CNTNAP2: variants seen among roughly 807,000 people sequenced by gnomAD.
The protein encoded by CNTNAP2 is contactin associated protein 2, also known as contactin-associated protein-like 2.
In CNTNAP2, 98 loss-of-function variants were observed where a neutral mutation model predicts 155.2. That is an observed-to-expected ratio of 0.63 (90% CI 0.54 to 0.75). The LOEUF is 0.75. CNTNAP2 is among the 30% of genes least tolerant of loss of function. The pLI is 0.00. For synonymous variants in CNTNAP2, 651 were observed against 631.2 expected (o/e 1.03, Z -0.47); for missense variants, 1,727 against 1,688.1 (o/e 1.02, Z -0.40).
At chr7:146,459,930 A>G (rs1320186877) in intron 1 of CNTNAP2, among the ~76,000 whole-genome samples, 1 of 152,168 alleles carries the variant, frequency 6.6e-6, no homozygotes, top group Non-Finnish European at 1.5e-5. Context: ...AGTTCAGGCC[A>G]TTGCACTCCA....
intron 13 of CNTNAP2, among the ~76,000 whole-genome samples, chr7:147,789,674 G>A (rs1332767490): frequency 6.6e-6 from 1 of 152,200 alleles, no homozygotes; most frequent in Non-Finnish European, 1.5e-5. Flanking sequence ...GTCTCCCAGT[G>A]TGTGGGCACC....
intron 12 of CNTNAP2, among the ~76,000 whole-genome samples, chr7:147,567,826 C>T (rs1800203080): frequency 6.6e-6 from 1 of 152,200 alleles, no homozygotes; most frequent in African/African-American, 2.4e-5. Flanking sequence ...CGGCTCATGC[C>T]TGTAATCCCA....
At chr7:147,073,165 A>G (rs1287668725) in intron 4 of CNTNAP2, among the ~76,000 whole-genome samples, 7 of 148,898 alleles carry the variant, frequency 4.7e-5, no homozygotes, top group Admixed American at 3.3e-4. Flanking sequence ...TCAGGACTAC[A>G]TATGCAGGTT....
intron 15 of CNTNAP2, among the ~76,000 whole-genome samples, chr7:148,046,030 C>A (rs546897655): frequency 2.6e-5 from 4 of 152,108 alleles, no homozygotes; most frequent in African/African-American, 4.8e-5. Flanking sequence ...CTGGGCAAGA[C>A]CTTTTTCTCC....
intron 1 of CNTNAP2, among the ~76,000 whole-genome samples, chr7:146,469,908 C>T (rs561913590): frequency 2.7e-5 from 4 of 148,762 alleles, no homozygotes; most frequent in Non-Finnish European, 5.9e-5. Flanking sequence ...GGAGCAATCT[C>T]GGCTCACTGC....
At chr7:147,140,301 C>G (rs1311357574) in intron 8 of CNTNAP2, among the ~76,000 whole-genome samples, 1 of 151,912 alleles carries the variant, frequency 6.6e-6, no homozygotes, top group East Asian at 1.9e-4. Context: ...GTCCAGAGGC[C>G]GAGATCTTGC....
At chr7:146,305,710 C>G (rs10263301) in intron 1 of CNTNAP2, among the ~76,000 whole-genome samples, 13,010 of 152,128 alleles carry the variant, frequency 0.086, 1,577 homozygotes, top group African/African-American at 0.27. Flanking sequence ...AGAACAAAGA[C>G]ACAACATACC....
At chr7:148,107,637 C>A (rs1035796558) in intron 15 of CNTNAP2, among the ~76,000 whole-genome samples, 1 of 152,058 alleles carries the variant, frequency 6.6e-6, no homozygotes, top group Non-Finnish European at 1.5e-5. Flanking sequence ...TTTTTTCTCC[C>A]GTAAGGAAAT....
chr7:147,114,382 G>C (rs962382642), intron 5 of CNTNAP2, among the ~76,000 whole-genome samples: 1 of 152,034 alleles, frequency 6.6e-6, no homozygotes, highest in South Asian at 2.1e-4. Context: ...TTTCTGCCTC[G>C]ATGATCTGTC....
At chr7:147,914,108 G>GA (rs1800116793) in intron 14 of CNTNAP2, among the ~76,000 whole-genome samples, 2 of 151,840 alleles carry the variant, frequency 1.3e-5, no homozygotes, top group Non-Finnish European at 2.9e-5. Flanking sequence ...TAGAGTTTCA[G>GA]AAAATGATGT....
intron 1 of CNTNAP2, among the ~76,000 whole-genome samples, chr7:146,541,993 T>G (rs1176248580): frequency 6.6e-6 from 1 of 151,960 alleles, no homozygotes; most frequent in East Asian, 1.9e-4. Context: ...AATTATTATT[T>G]TAATCTAGCC....
At chr7:146,178,134 C>T (rs1007333517) in intron 1 of CNTNAP2, among the ~76,000 whole-genome samples, 8 of 152,060 alleles carry the variant, frequency 5.3e-5, no homozygotes, top group African/African-American at 1.2e-4. Context: ...CCTGGGTTCT[C>T]GCCATTCTCC....
Position 146,923,682 on chromosome 7 carries a change from G to C in CNTNAP2, c.402+83778G>C, listed in dbSNP as rs140802800. Among the ~76,000 whole-genome samples the C allele has an allele frequency of 9.6e-4, 146 of 152,172 alleles. 1 individual carries two copies. Among genetic ancestry groups the C allele is most frequent in the Middle Eastern group, 3.4e-3 (1 of 294 alleles). On this transcript the variant is annotated intron_variant, in intron 3 of 23. Coordinates refer to ENST00000361727, the MANE Select transcript of CNTNAP2 (RefSeq NM_014141.6). ...TTTTATTTGTTGTCCGCTACTCCTG[G>C]TGGATTTTGCTCCTGTTATTATCGC...
chr7:147,114,362 C>T (rs1456320599), intron 5 of CNTNAP2, among the ~76,000 whole-genome samples: 4 of 152,100 alleles, frequency 2.6e-5, no homozygotes, highest in African/African-American at 9.7e-5. Flanking sequence ...TCCTGGATGT[C>T]TTTGTTAATT....
chr7:147,763,026 A>G (rs2116522123), intron 13 of CNTNAP2, among the ~76,000 whole-genome samples: 1 of 152,256 alleles, frequency 6.6e-6, no homozygotes, highest in African/African-American at 2.4e-5. Context: ...TGGGAGGCCA[A>G]TGTGAGCAGA....
intron 1 of CNTNAP2, among the ~76,000 whole-genome samples, chr7:146,281,307 C>T (rs1307986522): frequency 6.6e-6 from 1 of 152,116 alleles, no homozygotes; most frequent in Non-Finnish European, 1.5e-5. Flanking sequence ...TGAGTAACTT[C>T]CTACTAAATA....
intron 3 of CNTNAP2, among the ~76,000 whole-genome samples, chr7:146,997,115 G>A (rs570405255): frequency 4.6e-5 from 7 of 152,170 alleles, no homozygotes; most frequent in South Asian, 2.1e-4. Context: ...TATCAACAGC[G>A]TGAAAACAAA....
chr7:147,771,077 G>A (rs1422684343), intron 13 of CNTNAP2, among the ~76,000 whole-genome samples: 1 of 152,086 alleles, frequency 6.6e-6, no homozygotes, highest in African/African-American at 2.4e-5. Context: ...TATAACCAAG[G>A]TAGTGACAAA....
chr7:147,829,869 G>T lies in CNTNAP2; in HGVS notation c.2099-73696G>T, dbSNP rs950688384. Among the ~76,000 whole-genome samples the T allele has an allele frequency of 3.3e-5, 5 of 152,120 alleles. No homozygotes were observed. The East Asian group carries it at 9.7e-4, about 30-fold the overall frequency. ...ACAGAGCAGCGAGGGGGGCCACATG[G>T]TCCCCAGTAAAGCAGAGGTCACAGG... On this transcript the variant is annotated intron_variant, in intron 13 of 23. Transcript: ENST00000361727.
Sources: allele counts gnomAD v4.1 joint callset (sites outside exome capture counted in the v4.1 genomes callset), GRCh38; gene constraint gnomAD v4.1.1; transcripts MANE v1.5; gene names NCBI Gene and HGNC (gene_info 2026-07-23, HGNC 2026-07-21).